ADAMTS13: variants seen among roughly 807,000 people sequenced by gnomAD.
ADAMTS13 encodes the protein ADAM metallopeptidase with thrombospondin type 1 motif 13, also known as A disintegrin and metalloproteinase with thrombospondin motifs 13.
In ADAMTS13, 110 loss-of-function variants were observed where a neutral mutation model predicts 155.1. The ratio of observed to expected loss-of-function variants is 0.71; its 90% CI spans 0.61 to 0.83. The LOEUF (loss-of-function observed/expected upper bound fraction) is 0.83. Ranked by LOEUF, ADAMTS13 falls within the 40% of genes least tolerant of loss-of-function variation. The pLI is 0.00. For synonymous variants in ADAMTS13, 758 were observed against 756.4 expected, an observed-to-expected ratio of 1.00 and a Z score of -0.03; for missense variants, 1,707 against 1,891.7, an observed-to-expected ratio of 0.90 and a Z score of 1.81.
intron 23 of ADAMTS13, among the ~76,000 whole-genome samples, chr9:133,450,544 A>G (rs914247502): frequency 6.7e-6 from 1 of 150,300 alleles, no homozygotes; most frequent in Non-Finnish European, 1.5e-5. Flanking sequence ...CAGCCTGGCT[A>G]ACAGCAGCAA....
At position 133,454,406 on chromosome 9, in the gene ADAMTS13, T is replaced by G; in HGVS notation, c.3045-9T>G. The G allele has an allele frequency of 6.2e-7, 1 of 1,613,756 alleles. No individual in the cohort carries two copies. ...CCTAGCCTCTCTCTGGGGTCTTCTC[T>G]TCCTGCAGGTGGAAAGTCATGTCCC... On this transcript the variant is annotated splice_polypyrimidine_tract_variant and intron_variant, in intron 23 of 28. Transcript: ENST00000355699.
rs587673309 is a variant in ADAMTS13, at chr9:133,443,289, G to A, written c.2235-87G>A. 1.6e-5 allele frequency: 23 copies of A among 1,479,778 alleles called. No homozygotes were observed. In the East Asian group the frequency reaches 2.9e-4, roughly 19 times the overall value. The allele number at this position is 1,479,778 out of a possible 1,614,324, so 91.7% of individuals were successfully genotyped here. ...TAGTGCCCATTGCTTGTCCCAGACCGGGGGAGTACATCAGCACCTGCCACC... is the reference window on the plus strand; with the variant it reads ...TAGTGCCCATTGCTTGTCCCAGACCAGGGGAGTACATCAGCACCTGCCACC... On this transcript the variant is annotated intron_variant, in intron 18 of 28. Transcript: ENST00000355699.
At chr9:133,419,588 G>A (rs1015335357), upstream of ADAMTS13, among the ~76,000 whole-genome samples, 3 of 152,136 alleles carry the variant, frequency 2.0e-5, no homozygotes, top group Admixed American at 2.0e-4. Flanking sequence ...CAGTGCAGTG[G>A]GAGGAGAAGC....
In ADAMTS13 at chr9:133,440,098, G is replaced by T. The variant is rs1016095930; in HGVS notation, c.1787-246G>T. Among the ~76,000 whole-genome samples the T allele has an allele frequency of 6.6e-6, 1 of 152,242 alleles. No homozygotes were observed. Among genetic ancestry groups the T allele is most frequent in the African/African-American group, 2.4e-5 (1 of 41,458 alleles). ...CCTAACCTTTGAAGCCTTGGTTGCC[G>T]GCACTTGCCATGGGGTCCCTGAGCC... On this transcript the variant is annotated intron_variant, in intron 15 of 28. Transcript: ENST00000355699. The surrounding 1 kb of genome is among the most constrained non-coding windows in gnomAD (Gnocchi z 4.3).
chr9:133,436,401 G>A (rs1237266408), intron 11 of ADAMTS13, among the ~76,000 whole-genome samples: 3 of 151,960 alleles, frequency 2.0e-5, no homozygotes, highest in Non-Finnish European at 2.9e-5. Flanking sequence ...AGTCAACTCC[G>A]GTTATCTTCT....
At chr9:133,418,013 C>T (rs1038173252), upstream of ADAMTS13, 10 of 630,712 alleles carry the variant, frequency 1.6e-5, no homozygotes, top group Non-Finnish European at 2.7e-5. Flanking sequence ...TTGCGCATAC[C>T]TCAGCACGCA....
chr9:133,443,380 G>A lies in ADAMTS13; in HGVS notation c.2239G>A (p.Ala747Thr). ...CVLEPCPPYW[A>T]VGDFGPCSAS... ...ACGCTCTGTCTCCTTCCTCAGCTGGGCGGTGGGAGACTTCGGCCCATGCAG... is the reference window on the plus strand; with the variant it reads ...ACGCTCTGTCTCCTTCCTCAGCTGGACGGTGGGAGACTTCGGCCCATGCAG... The change falls in exon 19 of 29, where the codon GCG becomes ACG. Residue 747 changes from alanine (A) to threonine (T), a missense_variant. By Grantham distance (58) the Ala-to-Thr change is moderately conservative. This residue lies in a region of ADAMTS13 where 961 missense variants were observed against 1,107.9 expected (regional missense o/e 0.87). Coordinates refer to ENST00000355699, the MANE Select transcript of ADAMTS13 (RefSeq NM_139027.6). The A allele has an allele frequency of 6.3e-7, 1 of 1,596,536 alleles. No individual in the cohort carries two copies. The highest frequency in any genetic ancestry group is 8.5e-7 in the Non-Finnish European group (1 of 1,177,240).
At chr9:133,423,057 A>C (rs781785639) in intron 1 of ADAMTS13, 44 bp from the exon 2 acceptor site, 12 of 1,583,562 alleles carry the variant, frequency 7.6e-6, no homozygotes, top group Non-Finnish European at 1.0e-5. Context: ...ATTACAGGCC[A>C]GAGCCACTAT....
At chr9:133,442,860 T>C in intron 18 of ADAMTS13, 117 bp downstream of exon 18, 1 of 1,437,140 alleles carries the variant, frequency 7.0e-7, no homozygotes, top group Non-Finnish European at 9.2e-7. Flanking sequence ...GCTGCTCCTG[T>C]GCAGGCTCTC....
Position 133,425,270 on chromosome 9 carries a change from T to A in ADAMTS13, c.331-259T>A, listed in dbSNP as rs1840205070. Among the ~76,000 whole-genome samples the A allele has an allele frequency of 6.6e-6, 1 of 152,256 alleles. No homozygotes were observed. The highest frequency in any genetic ancestry group is 6.5e-5 in the Admixed American group (1 of 15,288). On this transcript the variant is annotated intron_variant, in intron 3 of 28. Transcript: ENST00000355699. The surrounding 1 kb of genome is among the most constrained non-coding windows in gnomAD (Gnocchi z 4.6). ...CCGGAATATCCGACTCGTGACCATC[T>A]GTGTGCTCTCATCCCCTTGCTTTGG...
intron 23 of ADAMTS13, among the ~76,000 whole-genome samples, chr9:133,450,701 A>G (rs1012654763): frequency 1.3e-5 from 2 of 152,124 alleles, no homozygotes; most frequent in African/African-American, 2.4e-5. Flanking sequence ...GTGAGCCGAG[A>G]TGGCGCCGCT....
Position 133,428,731 on chromosome 9 carries a change from TG to T in ADAMTS13, c.786del (p.Trp262CysfsTer10). The T allele has an allele frequency of 7.3e-7, 1 of 1,360,658 alleles. No individual in the cohort carries two copies. The highest frequency in any genetic ancestry group is 9.5e-7 in the Non-Finnish European group (1 of 1,053,876). 84.3% of individuals were successfully genotyped at this position (1,360,658 alleles called of 1,614,324 possible). A position where few individuals can be genotyped will look rare whatever the true frequency, so the allele number is the denominator to read the frequency against. ...DGAAPRAGLA[W>X]SPCSRRQLLS... ...CGCCGCGCCCCGCGCCGGCCTCGCC[TG>T]GTCCCCCTGCAGCCGCCGGCAGCTG... On this transcript the variant is annotated frameshift_variant, in exon 7 of 29. Coordinates refer to ENST00000355699, the MANE Select transcript of ADAMTS13 (RefSeq NM_139027.6). LOFTEE classifies it high-confidence loss of function.
At position 133,440,488 on chromosome 9, in the gene ADAMTS13, G is replaced by T. The variant is rs782184721; in HGVS notation, c.1931G>T (p.Arg644Leu). 6.2e-7 allele frequency: 1 copy of T among 1,612,072 alleles called. No individual in the cohort carries two copies. The highest frequency in any genetic ancestry group is 8.5e-7 in the Non-Finnish European group (1 of 1,179,082). The change falls in exon 16 of 29, where the codon CGC (arginine) becomes CTC (leucine). Residue 644 changes from arginine to leucine, a missense_variant. Around this residue, in one of 3 missense-constraint regions of ADAMTS13, gnomAD observed 961 missense variants for 1,107.9 expected, o/e 0.87. Transcript: ENST00000355699. The surrounding 1 kb of genome is among the most constrained non-coding windows in gnomAD (Gnocchi z 4.3). ...EDRLPRLEEI[R>L]IWGPLQEDAD... The stretch of plus-strand genomic sequence containing the variant: ...CGGCTGCCCCGCCTGGAGGAGATCC[G>T]CATCTGGGGACCCCTCCAGGAAGAT...
rs199661242 is a variant in ADAMTS13, at chr9:133,426,289, T to G, written c.630T>G (p.Ile210Met). ...GCTCCCCAACCTGGAGCTGCCTCATTACCGAGGACACTGGCTTCGACCTGG... is the reference window on the plus strand; with the variant it reads ...GCTCCCCAACCTGGAGCTGCCTCATGACCGAGGACACTGGCTTCGACCTGG... The part of the protein sequence containing the change: ...GACSPTWSCL[I>M]TEDTGFDLGV... Residue 210 changes from isoleucine to methionine, a missense_variant, in exon 6 of 29, where the codon ATT becomes ATG. Physicochemically the swap from Ile to Met is conservative, Grantham distance 10. Transcript: ENST00000355699. 3.7e-6 allele frequency: 6 copies of G among 1,609,340 alleles called. No homozygotes were observed. The highest frequency in any genetic ancestry group is 4.2e-6 in the Non-Finnish European group (5 of 1,179,996).
chr9:133,425,475 T>G lies in ADAMTS13; in HGVS notation c.331-54T>G. 1 of 1,538,500 alleles carries G rather than the reference T, an allele frequency of 6.5e-7. No homozygotes were observed. Among genetic ancestry groups the G allele is most frequent in the Admixed American group, 1.8e-5 (1 of 54,212 alleles). The stretch of plus-strand genomic sequence containing the variant: ...GGGCCCCTGGGAGTCAGCAGCTGCC[T>G]GGGGCTGGCAATGCCCACCCGACGG... On this transcript the variant is annotated intron_variant, in intron 3 of 28. Coordinates refer to ENST00000355699, the MANE Select transcript of ADAMTS13 (RefSeq NM_139027.6). This position sits in a 1 kb window ranked among gnomAD's most constrained non-coding sequence, Gnocchi z 4.6.
At chr9:133,458,298 G>C (rs1280381599) in intron 28 of ADAMTS13, among the ~76,000 whole-genome samples, 1 of 152,172 alleles carries the variant, frequency 6.6e-6, no homozygotes, top group African/African-American at 2.4e-5. Context: ...GCTCACAACT[G>C]TAATCCCAGC....
Position 133,425,858 on chromosome 9 carries a change from A to G in ADAMTS13, c.415-80A>G, listed in dbSNP as rs1840243851. 4 of 1,593,126 alleles carry G rather than the reference A, an allele frequency of 2.5e-6. No homozygotes were observed. In the South Asian group the frequency reaches 4.5e-5, roughly 18 times the overall value. ...TAGTCATAGGGTTGTTAGGAGGACT[A>G]ACTGGGAAACAAACCGACCGCAGTC... On this transcript the variant is annotated intron_variant, in intron 4 of 28. Transcript: ENST00000355699. The surrounding 1 kb of genome is among the most constrained non-coding windows in gnomAD (Gnocchi z 4.6).
At chr9:133,429,232 C>T (rs1355894152) in intron 7 of ADAMTS13, among the ~76,000 whole-genome samples, 39 of 111,072 alleles carry the variant, frequency 3.5e-4, no homozygotes, top group African/African-American at 1.3e-3. Flanking sequence ...TCCCACTCTG[C>T]GGCCACCCTT....
In ADAMTS13 at chr9:133,455,281, G is replaced by A; in HGVS notation, c.3250-4G>A. ...CTGTGACTCCTCCTCCCCTCTCTTG[G>A]CAGTGCTCTGTTTCCTGTGGGGATG... is the stretch of plus-strand genomic sequence containing the variant. On this transcript the variant is annotated splice_region_variant and splice_polypyrimidine_tract_variant and intron_variant, in intron 24 of 28. Transcript: ENST00000355699. 2 of 1,601,226 alleles carry A rather than the reference G, an allele frequency of 1.2e-6. No individual in the cohort carries two copies. Among genetic ancestry groups the A allele is most frequent in the Non-Finnish European group, 8.5e-7 (1 of 1,179,914 alleles).
Sources: gnomAD v4.1 joint callset for allele counts (sites outside exome capture counted in the v4.1 genomes callset) on GRCh38, gnomAD v4.1.1 for gene constraint, gnomAD v4.1.1 regional missense constraint, Gnocchi (gnomAD v3.1) non-coding constraint, MANE v1.5 for transcripts, NCBI Gene and HGNC (gene_info 2026-07-23, HGNC 2026-07-21) for gene names.